Variants in SCMH1 observed in about 807,000 individuals in gnomAD.
SCMH1 encodes Scm polycomb group protein homolog 1.
SCMH1 carries 37 observed loss-of-function variants against 70.8 expected under a neutral mutation model. That is an observed-to-expected ratio of 0.52 (90% CI 0.40 to 0.69). SCMH1 has a LOEUF of 0.69. Among genes scored for constraint, SCMH1 ranks in the 30% least tolerant of loss-of-function variants. The pLI, the probability that SCMH1 is intolerant of heterozygous loss-of-function variation, is 0.00. For missense variants in SCMH1, 607 were observed against 827.3 expected, an observed-to-expected ratio of 0.73 and a Z score of 3.27; for synonymous variants, 292 against 307.4, an observed-to-expected ratio of 0.95 and a Z score of 0.52.
intron 10 of SCMH1, among the ~76,000 whole-genome samples, chr1:41,053,251 A>G (rs910462147): frequency 1.3e-5 from 2 of 152,060 alleles, no homozygotes; most frequent in African/African-American, 4.8e-5. Flanking sequence ...AATACACAAA[A>G]AGGAAATAAT....
intron 2 of SCMH1, among the ~76,000 whole-genome samples, chr1:41,184,276 GTAT>G (rs1379155765): frequency 6.6e-6 from 1 of 151,950 alleles, no homozygotes; most frequent in African/African-American, 2.4e-5. Context: ...TCCATCTCAG[GTAT>G]TATTAATAAC....
At chr1:41,084,297 C>T (rs867086809) in intron 8 of SCMH1, among the ~76,000 whole-genome samples, 1 of 152,078 alleles carries the variant, frequency 6.6e-6, no homozygotes, top group Admixed American at 6.6e-5. Context: ...ACAAACAACC[C>T]CATCAAAAAG....
chr1:41,048,578 T>C (rs1647122142), intron 11 of SCMH1, 112 bp downstream of exon 11: 1 of 951,390 alleles, frequency 1.1e-6, no homozygotes, highest in Non-Finnish European at 1.6e-6. Flanking sequence ...CCTTCACATT[T>C]TTCCAGAGCC....
intron 10 of SCMH1, among the ~76,000 whole-genome samples, chr1:41,069,666 T>C (rs79971581): frequency 0.017 from 2,523 of 152,300 alleles, 27 homozygotes; most frequent in South Asian, 0.03. Context: ...AATCCTATCA[T>C]TGTATAGATT....
chr1:41,176,477 G>C (rs1647150820), intron 2 of SCMH1, among the ~76,000 whole-genome samples: 2 of 152,206 alleles, frequency 1.3e-5, no homozygotes, highest in Non-Finnish European at 2.9e-5. Flanking sequence ...GAAGTGCAAG[G>C]GGTCAGGGAA....
intron 1 of SCMH1, among the ~76,000 whole-genome samples, chr1:41,230,602 G>A (rs1661117895): frequency 6.6e-6 from 1 of 151,466 alleles, no homozygotes; most frequent in Admixed American, 6.6e-5. Flanking sequence ...AGGCAGCAGT[G>A]AGCTATGATC....
chr1:41,202,104 C>T (rs561992034), intron 1 of SCMH1, among the ~76,000 whole-genome samples: 1 of 152,064 alleles, frequency 6.6e-6, no homozygotes. Flanking sequence ...TGCAGTGGTG[C>T]GATCTTGGCT....
chr1:41,116,399 C>T (rs1042888913), intron 7 of SCMH1, among the ~76,000 whole-genome samples: 4 of 152,198 alleles, frequency 2.6e-5, no homozygotes, highest in African/African-American at 7.2e-5. Context: ...CCCTGTTCTG[C>T]CGCTTACTAG....
intron 6 of SCMH1, among the ~76,000 whole-genome samples, chr1:41,117,825 AC>A: frequency 6.6e-6 from 1 of 152,178 alleles, no homozygotes; most frequent in Non-Finnish European, 1.5e-5. Flanking sequence ...TGGACACGTG[AC>A]CCACGTGACC....
chr1:41,203,757 T>C (rs546744531), intron 1 of SCMH1, among the ~76,000 whole-genome samples: 15 of 152,400 alleles, frequency 9.8e-5, no homozygotes, highest in Admixed American at 9.1e-4. Context: ...CTGCTGCAGT[T>C]AACTAGCCCA....
At chr1:41,190,677 CATGT>C (rs1651484535) in intron 1 of SCMH1, among the ~76,000 whole-genome samples, 2 of 152,256 alleles carry the variant, frequency 1.3e-5, no homozygotes, top group East Asian at 1.9e-4. Context: ...TGTGTGTGTG[CATGT>C]ATGTATGTGT....
At chr1:41,033,940 A>C (rs1644908221) in intron 13 of SCMH1, 43 bp downstream of exon 14, 1 of 1,612,976 alleles carries the variant, frequency 6.2e-7, no homozygotes, top group Non-Finnish European at 8.5e-7. Flanking sequence ...TCTCAGAAAC[A>C]GGGCCTTGGG....
At chr1:41,213,964 T>A (rs947497078) in intron 1 of SCMH1, among the ~76,000 whole-genome samples, 2 of 152,060 alleles carry the variant, frequency 1.3e-5, no homozygotes, top group African/African-American at 4.8e-5. Context: ...AGTGAAAAGG[T>A]AAGTAGGTGA....
intron 6 of SCMH1, among the ~76,000 whole-genome samples, chr1:41,127,431 T>C (rs1421138602): frequency 6.6e-6 from 1 of 152,226 alleles, no homozygotes. Context: ...TAAAGGAATT[T>C]GTGTTTTCCT....
intron 1 of SCMH1, among the ~76,000 whole-genome samples, chr1:41,241,768 C>T (rs1663613435): frequency 6.6e-6 from 1 of 151,900 alleles, no homozygotes; most frequent in Non-Finnish European, 1.5e-5. Flanking sequence ...GTGCCGGGGC[C>T]CCCGGGCAGT....
intron 1 of SCMH1, among the ~76,000 whole-genome samples, chr1:41,209,157 C>A (rs1032655901): frequency 9.2e-5 from 14 of 152,150 alleles, no homozygotes; most frequent in Non-Finnish European, 2.1e-4. Context: ...CCTCCCAAGA[C>A]TAAACCAGGA....
At chr1:41,084,725 C>T (rs375045290) in intron 8 of SCMH1, among the ~76,000 whole-genome samples, 1 of 152,022 alleles carries the variant, frequency 6.6e-6, no homozygotes, top group South Asian at 2.1e-4. Context: ...TTGGAACCAA[C>T]CCAAATGTCC....
At chr1:41,150,493 ACT>A (rs1015841136) in intron 5 of SCMH1, among the ~76,000 whole-genome samples, 9 of 152,112 alleles carry the variant, frequency 5.9e-5, no homozygotes, top group African/African-American at 1.7e-4. Context: ...ACAGAGCGAG[ACT>A]CTGTCTCAAA....
At chr1:41,186,161 G>A in exon 2 of SCMH1, 1 of 1,355,236 alleles carries the variant, frequency 7.4e-7, no homozygotes, top group Non-Finnish European at 1.0e-6. Context: ...CCGGTCTAGG[G>A]GTTAAGAAGT....
Sources: allele counts gnomAD v4.1 joint callset (sites outside exome capture counted in the v4.1 genomes callset), GRCh38; gene constraint gnomAD v4.1.1; transcripts MANE v1.5; gene names NCBI Gene and HGNC (gene_info 2026-07-23, HGNC 2026-07-21).